CSMD3: variants seen among roughly 807,000 people sequenced by gnomAD.
CSMD3 encodes the protein CUB and sushi domain-containing protein 3.
In CSMD3, 177 loss-of-function variants were observed where a neutral mutation model predicts 435.2. The observed-to-expected ratio is 0.41, with a 90% CI of 0.36 to 0.46. The LOEUF (loss-of-function observed/expected upper bound fraction) is 0.46, where lower values mean the gene tolerates loss of function less well. CSMD3 is among the 20% of genes least tolerant of loss of function. The pLI is 0.34. For missense variants in CSMD3, 4,265 were observed against 4,504.6 expected (o/e 0.95, Z 1.52); for synonymous variants, 1,656 against 1,520.5 (o/e 1.09, Z -2.07).
chr8:113,129,743 A>G (rs1184746373), intron 4 of CSMD3, among the ~76,000 whole-genome samples: 4 of 152,238 alleles, frequency 2.6e-5, no homozygotes, highest in Non-Finnish European at 5.9e-5. Context: ...TTAAAGCATG[A>G]TTATAAAATT....
At chr8:113,292,836 A>G (rs967840040) in intron 2 of CSMD3, among the ~76,000 whole-genome samples, 3 of 151,854 alleles carry the variant, frequency 2.0e-5, no homozygotes, top group Non-Finnish European at 2.9e-5. Flanking sequence ...CCTAATAAAA[A>G]ATGAACTAAT....
At chr8:113,004,005 T>C (rs995754202) in intron 6 of CSMD3, among the ~76,000 whole-genome samples, 46 of 152,066 alleles carry the variant, frequency 3.0e-4, no homozygotes, top group Non-Finnish European at 1.8e-4. Context: ...AGAAATAAAT[T>C]GTAATGATAA....
chr8:113,297,110 T>TTG (rs2093728641), intron 2 of CSMD3, among the ~76,000 whole-genome samples: 1 of 152,146 alleles, frequency 6.6e-6, no homozygotes, highest in Non-Finnish European at 1.5e-5. Flanking sequence ...ATTGTGTTAT[T>TTG]TGTATATATT....
intron 50 of CSMD3, 179 bp downstream of exon 50, chr8:112,310,799 A>T (rs1013868488): frequency 4.3e-6 from 3 of 700,872 alleles, no homozygotes; most frequent in Admixed American, 4.1e-5. Context: ...ATAAAACAGT[A>T]TGTTTCTTTC....
intron 1 of CSMD3, among the ~76,000 whole-genome samples, chr8:113,431,788 C>G (rs2927869): frequency 6.6e-6 from 1 of 150,900 alleles, no homozygotes; most frequent in African/African-American, 2.5e-5. Context: ...TGTTTATCAG[C>G]TTTCACTTAT....
At chr8:112,441,361 T>G (rs186855914) in intron 32 of CSMD3, among the ~76,000 whole-genome samples, 2 of 152,272 alleles carry the variant, frequency 1.3e-5, no homozygotes, top group East Asian at 3.9e-4. Flanking sequence ...GTTCCATACT[T>G]TCCCACATCT....
chr8:113,063,227 T>A (rs150602967), intron 5 of CSMD3, among the ~76,000 whole-genome samples: 1 of 151,836 alleles, frequency 6.6e-6, no homozygotes, highest in Admixed American at 6.6e-5. Flanking sequence ...GAATTGAGAT[T>A]AGAATTCAGG....
At chr8:112,340,394 C>T (rs1172222792) in intron 42 of CSMD3, among the ~76,000 whole-genome samples, 1 of 152,048 alleles carries the variant, frequency 6.6e-6, no homozygotes, top group Non-Finnish European at 1.5e-5. Context: ...ATTTCAGATC[C>T]ATGTAATTTG....
At chr8:113,409,540 A>T (rs1456763075) in intron 1 of CSMD3, among the ~76,000 whole-genome samples, 1 of 152,192 alleles carries the variant, frequency 6.6e-6, no homozygotes, top group Admixed American at 6.5e-5. Context: ...CATGCCTAGC[A>T]CAGCTCCAGC....
chr8:112,612,709 CTTTT>C (rs532290154), intron 22 of CSMD3, among the ~76,000 whole-genome samples: 1,656 of 65,916 alleles, frequency 0.025, 71 homozygotes, highest in African/African-American at 0.091. Context: ...TTTCTTTGTT[CTTTT>C]TTTTTTTTTT....
intron 5 of CSMD3, among the ~76,000 whole-genome samples, chr8:113,041,810 C>T (rs1343843006): frequency 1.3e-5 from 2 of 151,914 alleles, no homozygotes; most frequent in Non-Finnish European, 2.9e-5. Flanking sequence ...TGTGTACCTC[C>T]TACGATATAC....
chr8:113,358,955 CT>C, intron 1 of CSMD3, among the ~76,000 whole-genome samples: 1 of 151,990 alleles, frequency 6.6e-6, no homozygotes, highest in Middle Eastern at 3.4e-3. Flanking sequence ...AATAAAAAAG[CT>C]GCTCGGTTAA....
At chr8:112,947,556 T>G (rs2130796242) in intron 9 of CSMD3, among the ~76,000 whole-genome samples, 1 of 151,772 alleles carries the variant, frequency 6.6e-6, no homozygotes, top group East Asian at 1.9e-4. Context: ...ATTTTTCACT[T>G]ACTATATGAT....
At chr8:113,012,696 A>G (rs2086301605) in intron 6 of CSMD3, among the ~76,000 whole-genome samples, 1 of 151,882 alleles carries the variant, frequency 6.6e-6, no homozygotes, top group Non-Finnish European at 1.5e-5. Context: ...TCCATGCAGA[A>G]CTGTGAGTCA....
At chr8:112,530,014 T>C (rs757108120) in intron 27 of CSMD3, among the ~76,000 whole-genome samples, 2 of 151,318 alleles carry the variant, frequency 1.3e-5, no homozygotes, top group Non-Finnish European at 2.9e-5. Flanking sequence ...ACACAATAAC[T>C]AAAGTGAAAA....
intron 1 of CSMD3, among the ~76,000 whole-genome samples, chr8:113,399,932 T>G (rs1171249478): frequency 7.0e-6 from 1 of 143,844 alleles, no homozygotes; most frequent in Non-Finnish European, 1.5e-5. Context: ...TAGAATTATA[T>G]TTACCTCTAT....
intron 1 of CSMD3, among the ~76,000 whole-genome samples, chr8:113,396,400 T>C (rs1019524237): frequency 1.3e-5 from 2 of 152,134 alleles, no homozygotes; most frequent in Non-Finnish European, 2.9e-5. Context: ...TTTACTGGAG[T>C]ACAACTAATA....
intron 3 of CSMD3, among the ~76,000 whole-genome samples, chr8:113,206,506 T>C (rs1194005874): frequency 6.6e-6 from 1 of 152,170 alleles, no homozygotes; most frequent in African/African-American, 2.4e-5. Flanking sequence ...TCTGTCTCGA[T>C]GATTCCTTAA....
intron 31 of CSMD3, among the ~76,000 whole-genome samples, chr8:112,479,996 C>T (rs1333218101): frequency 2.0e-5 from 3 of 152,208 alleles, no homozygotes; most frequent in African/African-American, 7.2e-5. Context: ...TGCAAGCACT[C>T]AACTCAAACC....
Sources: gnomAD v4.1 joint callset for allele counts (sites outside exome capture counted in the v4.1 genomes callset) on GRCh38, gnomAD v4.1.1 for gene constraint, MANE v1.5 for transcripts, NCBI Gene and HGNC (gene_info 2026-07-23, HGNC 2026-07-21) for gene names.